Variants in CGA observed in about 807,000 individuals in gnomAD.
CGA encodes the protein glycoprotein hormones, alpha polypeptide, also known as glycoprotein hormones alpha chain.
In CGA, 4 loss-of-function variants were observed where a neutral mutation model predicts 12.0. That is an observed-to-expected ratio of 0.33 (90% CI 0.16 to 0.76). The LOEUF is 0.76. Among genes scored for constraint, CGA ranks in the 30% least tolerant of loss-of-function variants. CGA has a pLI of 0.60. For synonymous variants in CGA, 60 were observed against 56.6 expected (o/e 1.06, Z -0.27); for missense variants, 102 against 143.5 (o/e 0.71, Z 1.48).
At chr6:87,093,577 C>A (rs1369222450) in intron 1 of CGA, among the ~76,000 whole-genome samples, 4 of 152,192 alleles carry the variant, frequency 2.6e-5, no homozygotes, top group Non-Finnish European at 4.4e-5. Context: ...TGCTATGAAC[C>A]ATGCTGTTCT....
At chr6:87,094,131 G>C (rs148084248) in intron 1 of CGA, among the ~76,000 whole-genome samples, 2 of 152,214 alleles carry the variant, frequency 1.3e-5, no homozygotes, top group Non-Finnish European at 2.9e-5. Context: ...TTTTGACTGG[G>C]AAAAAGATTG....
At chr6:87,091,224 A>C (rs1049070185) in intron 1 of CGA, among the ~76,000 whole-genome samples, 1 of 152,204 alleles carries the variant, frequency 6.6e-6, no homozygotes, top group African/African-American at 2.4e-5. Context: ...CTTTATAATA[A>C]AGTGAAAAGA....
At chr6:87,088,378 TA>T (rs891586813) in intron 1 of CGA, among the ~76,000 whole-genome samples, 171 bp from the exon 2 acceptor site, 9 of 152,038 alleles carry the variant, frequency 5.9e-5, no homozygotes, top group African/African-American at 2.2e-4. Context: ...TAATTTTTTT[TA>T]AAAAAAGTTC....
chr6:87,085,847 A>G lies in CGA; in HGVS notation c.274-14T>C, dbSNP rs758954772. 7 of 1,514,570 alleles carry G rather than the reference A, an allele frequency of 4.6e-6. No individual in the cohort carries two copies. The highest frequency in any genetic ancestry group is 6.4e-6 in the Non-Finnish European group (7 of 1,092,600). 93.8% of individuals were successfully genotyped at this position (1,514,570 alleles called of 1,614,324 possible). A position where few individuals can be genotyped will look rare whatever the true frequency, so the allele number is the denominator to read the frequency against. On this transcript the variant is annotated splice_polypyrimidine_tract_variant and intron_variant, in intron 3 of 3. Coordinates refer to ENST00000627148, the MANE Select transcript of CGA (RefSeq NM_000735.4). Reference sequence around the variant, plus strand: ...CATTACTGTGACCTAAAGGGGAAGGAAAAAAAAACATATTATAGATTAGAT... The same window carrying G: ...CATTACTGTGACCTAAAGGGGAAGGGAAAAAAAACATATTATAGATTAGAT...
At chr6:87,087,468 A>G (rs1158936008) in intron 2 of CGA, among the ~76,000 whole-genome samples, 1 of 152,206 alleles carries the variant, frequency 6.6e-6, no homozygotes, top group African/African-American at 2.4e-5. Flanking sequence ...AGAATCTGCT[A>G]TTGTTTTTCC....
At chr6:87,090,581 C>A (rs1457638777) in intron 1 of CGA, among the ~76,000 whole-genome samples, 1 of 151,168 alleles carries the variant, frequency 6.6e-6, no homozygotes, top group African/African-American at 2.4e-5. Flanking sequence ...ATCACTAAGC[C>A]ATTAAATATT....
intron 1 of CGA, among the ~76,000 whole-genome samples, chr6:87,093,990 A>G (rs1769488209): frequency 6.6e-6 from 1 of 152,240 alleles, no homozygotes; most frequent in South Asian, 2.1e-4. Flanking sequence ...ATTCAAGAAT[A>G]TAGCAATGTA....
chr6:87,085,660 A>G lies in CGA; in HGVS notation c.*96T>C. On this transcript the variant is annotated 3_prime_UTR_variant, in exon 4 of 4. Coordinates refer to ENST00000627148, the MANE Select transcript of CGA (RefSeq NM_000735.4). ...CGTGTCAAAGTGGTATGGTAAGGAA[A>G]AGGAGAGTTTTATCTCACAAAGCCA... 1.2e-6 allele frequency: 1 copy of G among 831,608 alleles called. No homozygotes were observed. Among genetic ancestry groups the G allele is most frequent in the South Asian group, 1.5e-5 (1 of 68,122 alleles). The allele number at this position is 831,608 out of a possible 1,614,324, so 51.5% of individuals were successfully genotyped here. A position where few individuals can be genotyped will look rare whatever the true frequency, so the allele number is the denominator to read the frequency against.
chr6:87,087,178 TGAAAG>T (rs1167639369), intron 2 of CGA, among the ~76,000 whole-genome samples: 2 of 152,198 alleles, frequency 1.3e-5, no homozygotes, highest in Non-Finnish European at 2.9e-5. Context: ...TCATCAAAAA[TGAAAG>T]GAAACTAAGT....
intron 1 of CGA, chr6:87,094,785 G>GC (rs890376639): frequency 6.6e-6 from 1 of 152,166 alleles, no homozygotes; most frequent in Admixed American, 6.5e-5. Context: ...AAGCATCTCA[G>GC]CAGGAGACAT....
chr6:87,091,142 A>G (rs1769426171), intron 1 of CGA, among the ~76,000 whole-genome samples: 1 of 152,232 alleles, frequency 6.6e-6, no homozygotes, highest in South Asian at 2.1e-4. Flanking sequence ...ATCAGAATTA[A>G]TTCAGAGAGA....
chr6:87,088,238 C>CA (rs1491084386), intron 1 of CGA, 31 bp from the exon 2 acceptor site: 3 of 413,492 alleles, frequency 7.3e-6, no homozygotes, highest in Non-Finnish European at 1.0e-5. Context: ...AAAAAAAAAA[C>CA]AAAAAACAGT....
At position 87,085,563 on chromosome 6, in the gene CGA, G is replaced by A; in HGVS notation, c.*193C>T. On this transcript the variant is annotated 3_prime_UTR_variant, in exon 4 of 4. Transcript: ENST00000627148. ...GCTAAATGCTGTATTCATTCCAAATGAAAAGAACTAGACTGCTGATTGTAC... is the reference window on the plus strand; with the variant it reads ...GCTAAATGCTGTATTCATTCCAAATAAAAAGAACTAGACTGCTGATTGTAC... 1.8e-6 allele frequency: 1 copy of A among 547,922 alleles called. No individual in the cohort carries two copies. The highest frequency in any genetic ancestry group is 3.3e-6 in the Non-Finnish European group (1 of 300,280). The allele number at this position is 547,922 out of a possible 1,614,324, so 33.9% of individuals were successfully genotyped here.
chr6:87,093,559 A>G (rs1349877178), intron 1 of CGA, among the ~76,000 whole-genome samples: 1 of 152,222 alleles, frequency 6.6e-6, no homozygotes, highest in Non-Finnish European at 1.5e-5. Context: ...TGTAAAAATG[A>G]AGTTTGGTGC....
At chr6:87,091,742 T>C (rs918553002) in intron 1 of CGA, among the ~76,000 whole-genome samples, 6 of 152,168 alleles carry the variant, frequency 3.9e-5, no homozygotes, top group Non-Finnish European at 8.8e-5. Context: ...TAAGGAGCTG[T>C]TCAACAGCCA....
chr6:87,092,542 A>G (rs115697313), intron 1 of CGA, among the ~76,000 whole-genome samples: 3,804 of 150,668 alleles, frequency 0.025, 161 homozygotes, highest in African/African-American at 0.086. Context: ...AGAGAGAGAG[A>G]AAGAAAGAAA....
intron 1 of CGA, among the ~76,000 whole-genome samples, chr6:87,089,446 C>T (rs1345128863): frequency 6.6e-6 from 1 of 152,068 alleles, no homozygotes; most frequent in Non-Finnish European, 1.5e-5. Flanking sequence ...TAGTATTCAC[C>T]TTGTACTATA....
rs1769357894 is a variant in CGA, at chr6:87,088,144, C to A, written c.57G>T (p.Leu19=). 6.3e-7 allele frequency: 1 copy of A among 1,591,334 alleles called. No individual in the cohort carries two copies. The highest frequency in any genetic ancestry group is 1.1e-5 in the South Asian group (1 of 88,858). Reference sequence around the variant, plus strand: ...CATCAGGAGCGGAATGGAGAACATGCAGAAACACCGACAATGTGACCAGAA... The same window carrying A: ...CATCAGGAGCGGAATGGAGAACATGAAGAAACACCGACAATGTGACCAGAA... ...AIFLVTLSVF[L]HVLHSAPDVQ... Residue 19 remains leucine (L), a synonymous_variant, in exon 2 of 4, where the codon CTG becomes CTT. Transcript: ENST00000627148.
intron 2 of CGA, chr6:87,086,676 C>A: frequency 2.4e-6 from 1 of 419,708 alleles, no homozygotes; most frequent in Non-Finnish European, 4.2e-6. Flanking sequence ...GTCCCAGCTG[C>A]TTGAGGGTCT....
Sources: allele counts gnomAD v4.1 joint callset (sites outside exome capture counted in the v4.1 genomes callset), GRCh38; gene constraint gnomAD v4.1.1; transcripts MANE v1.5; gene names NCBI Gene and HGNC (gene_info 2026-07-23, HGNC 2026-07-21).